The following TYW1 variants were observed in gnomAD, a reference collection of about 807,000 sequenced individuals.
TYW1 encodes the protein S-adenosyl-L-methionine-dependent tRNA 4-demethylwyosine synthase TYW1.
TYW1 carries 46 observed loss-of-function variants against 96.2 expected under a neutral mutation model. The ratio of observed to expected loss-of-function variants is 0.48; its 90% CI spans 0.38 to 0.61. The LOEUF is 0.61. Ranked by LOEUF, TYW1 falls within the 20% of genes least tolerant of loss-of-function variation. The probability of loss-of-function intolerance (pLI) is 0.00; values close to 1 mark genes in which losing one functional copy is unlikely to be tolerated. For synonymous variants in TYW1, 274 were observed against 323.0 expected (o/e 0.85, Z 1.63); for missense variants, 684 against 909.6 (o/e 0.75, Z 3.19).
chr7:67,133,302 T>C (rs1160691633), intron 13 of TYW1, among the ~76,000 whole-genome samples: 1 of 151,960 alleles, frequency 6.6e-6, no homozygotes, highest in Non-Finnish European at 1.5e-5. Flanking sequence ...CATGCCTGGC[T>C]AATTTTTTTG....
chr7:67,047,322 G>C (rs1795216054), intron 7 of TYW1, among the ~76,000 whole-genome samples: 3 of 152,108 alleles, frequency 2.0e-5, no homozygotes, highest in Non-Finnish European at 4.4e-5. Context: ...CTTGAGCCCA[G>C]GAGTTTGAGA....
At chr7:67,108,409 A>C (rs1450502276) in intron 12 of TYW1, among the ~76,000 whole-genome samples, 1 of 151,586 alleles carries the variant, frequency 6.6e-6, no homozygotes, top group Non-Finnish European at 1.5e-5. Flanking sequence ...GAAATAGAGC[A>C]TTCCAACCAG....
intron 6 of TYW1, among the ~76,000 whole-genome samples, chr7:67,022,808 G>A (rs1794318075): frequency 6.6e-6 from 1 of 152,138 alleles, no homozygotes; most frequent in Non-Finnish European, 1.5e-5. Context: ...TGGAAGCAAG[G>A]CAGAGAAGAC....
rs781742223 is a variant in TYW1, at chr7:67,050,058, C to T, written c.1094C>T (p.Thr365Ile). 6.8e-6 allele frequency: 11 copies of T among 1,612,680 alleles called. No individual in the cohort carries two copies. Among genetic ancestry groups the T allele is most frequent in the African/African-American group, 2.7e-5 (2 of 74,766 alleles). The part of the protein sequence containing the change: ...MITPALREAL[T>I]KQGYQLIGSH... ...ACTCCTGCTCTCCGAGAAGCCCTTA[C>T]TAAACAAGGTGAAAATCTTCAAGAA... The change falls in exon 8 of 16, where the codon ACT (threonine) becomes ATT (isoleucine). Residue 365 changes from threonine to isoleucine, a missense_variant. Coordinates refer to ENST00000359626, the MANE Select transcript of TYW1 (RefSeq NM_018264.4).
intron 13 of TYW1, among the ~76,000 whole-genome samples, chr7:67,138,965 G>C (rs1280799176): frequency 1.3e-5 from 2 of 151,770 alleles, no homozygotes; most frequent in Non-Finnish European, 2.9e-5. Context: ...TTCCATGTTC[G>C]ATATACTGAT....
chr7:67,193,472 A>C (rs1405779219), intron 14 of TYW1, among the ~76,000 whole-genome samples: 4 of 152,048 alleles, frequency 2.6e-5, no homozygotes, highest in Non-Finnish European at 5.9e-5. Flanking sequence ...TTAAAAATTA[A>C]GTGTTGGCCA....
chr7:67,041,449 G>A (rs1186547696), intron 7 of TYW1, among the ~76,000 whole-genome samples: 2 of 151,986 alleles, frequency 1.3e-5, no homozygotes, highest in African/African-American at 4.8e-5. Flanking sequence ...TATAGCACCC[G>A]CCACCACGCC....
chr7:67,072,671 A>G (rs893334171), intron 10 of TYW1, among the ~76,000 whole-genome samples: 2 of 152,202 alleles, frequency 1.3e-5, no homozygotes, highest in African/African-American at 4.8e-5. Context: ...CCATTTACCT[A>G]TTTTAATACA....
intron 4 of TYW1, among the ~76,000 whole-genome samples, chr7:67,013,141 G>A (rs1481860162): frequency 6.7e-6 from 1 of 148,458 alleles, no homozygotes; most frequent in Non-Finnish European, 1.5e-5. Flanking sequence ...TTGAGATGGA[G>A]TCTTCGCTTC....
chr7:67,183,082 C>T lies in TYW1; in HGVS notation c.1699-44C>T, dbSNP rs6943708. ...AGAAACCCTCTAGGTTAAGAGGTGA[C>T]GTCCACCAAGATAACAACGAACTTG... On this transcript the variant is annotated intron_variant, in intron 13 of 15. Coordinates refer to ENST00000359626, the MANE Select transcript of TYW1 (RefSeq NM_018264.4). 5,105 of 1,536,870 alleles carry T rather than the reference C, an allele frequency of 3.3e-3. 138 individuals are homozygous for T. The African/African-American group carries it at 0.06, about 18-fold the overall frequency.
intron 13 of TYW1, among the ~76,000 whole-genome samples, chr7:67,158,981 T>C (rs184044669): frequency 5.3e-4 from 80 of 152,326 alleles, no homozygotes; most frequent in Admixed American, 4.6e-4. Context: ...ATTTTTGTTT[T>C]GTTGATTATT....
At chr7:67,164,774 G>A (rs1027962209) in intron 13 of TYW1, among the ~76,000 whole-genome samples, 12 of 152,076 alleles carry the variant, frequency 7.9e-5, no homozygotes, top group Non-Finnish European at 1.5e-4. Flanking sequence ...GTTGGGGTTC[G>A]TGACCATTGT....
At chr7:67,039,990 T>C (rs1360525746) in intron 7 of TYW1, among the ~76,000 whole-genome samples, 1 of 149,310 alleles carries the variant, frequency 6.7e-6, no homozygotes, top group African/African-American at 2.5e-5. Flanking sequence ...GGAGTCTCAC[T>C]GTGTCACCTA....
At chr7:67,028,375 C>A (rs1348529486) in intron 7 of TYW1, among the ~76,000 whole-genome samples, 2 of 152,142 alleles carry the variant, frequency 1.3e-5, no homozygotes, top group Non-Finnish European at 2.9e-5. Flanking sequence ...TGGTGAAACC[C>A]CGTCTTTTCT....
intron 15 of TYW1, among the ~76,000 whole-genome samples, chr7:67,230,304 C>T (rs554110937): frequency 1.8e-4 from 27 of 148,140 alleles, no homozygotes; most frequent in African/African-American, 6.9e-4. Context: ...GTTTGCCTGC[C>T]AGTCCTCTCC....
At chr7:67,079,171 GGT>G (rs55931505) in intron 10 of TYW1, among the ~76,000 whole-genome samples, 97,193 of 148,632 alleles carry the variant, frequency 0.65, 31,906 homozygotes, top group East Asian at 0.85. Context: ...TCGTGTGAGA[GGT>G]GTGTGTGTGT....
At chr7:67,141,797 A>G (rs1244479710) in intron 13 of TYW1, among the ~76,000 whole-genome samples, 1 of 152,214 alleles carries the variant, frequency 6.6e-6, no homozygotes, top group East Asian at 1.9e-4. Flanking sequence ...GCACTTTGGG[A>G]GGCCAAGGCG....
intron 13 of TYW1, among the ~76,000 whole-genome samples, chr7:67,181,201 T>C (rs11761100): frequency 0.28 from 42,581 of 151,852 alleles, 6,434 homozygotes; most frequent in African/African-American, 0.4. Context: ...TATAGCCTAA[T>C]ATTGAATTGT....
chr7:67,025,093 G>C, intron 7 of TYW1, 71 bp downstream of exon 7: 1 of 1,578,254 alleles, frequency 6.3e-7, no homozygotes, highest in Non-Finnish European at 8.6e-7. Flanking sequence ...CTTTATTACT[G>C]TGTAGTCCAT....
Sources: gnomAD v4.1 joint callset for allele counts (sites outside exome capture counted in the v4.1 genomes callset) on GRCh38, gnomAD v4.1.1 for gene constraint, MANE v1.5 for transcripts, NCBI Gene and HGNC (gene_info 2026-07-23, HGNC 2026-07-21) for gene names.